Variants in MAP4K5 observed in about 807,000 individuals in gnomAD.
MAP4K5 encodes MAPK/ERK kinase kinase kinase 5.
Under a neutral mutation model 135.6 loss-of-function variants are expected in MAP4K5, and 82 were observed. The observed-to-expected ratio is 0.60, with a 90% confidence interval of 0.51 to 0.73. The LOEUF (loss-of-function observed/expected upper bound fraction) is 0.73, where lower values mean the gene tolerates loss of function less well. Ranked by LOEUF, MAP4K5 falls within the 30% of genes least tolerant of loss-of-function variation. The probability of loss-of-function intolerance (pLI) is 0.00; values close to 1 mark genes in which losing one functional copy is unlikely to be tolerated. For synonymous variants in MAP4K5, 347 were observed against 335.0 expected (o/e 1.04, Z -0.39); for missense variants, 907 against 1,010.9 (o/e 0.90, Z 1.39).
chr14:50,426,761 C>T (rs1338119659), intron 30 of MAP4K5, among the ~76,000 whole-genome samples: 1 of 152,082 alleles, frequency 6.6e-6, no homozygotes, highest in African/African-American at 2.4e-5. Context: ...ATAAAATAAA[C>T]CTGCCCCACA....
intron 14 of MAP4K5, among the ~76,000 whole-genome samples, chr14:50,451,252 A>G (rs1032793526): frequency 2.6e-5 from 4 of 151,840 alleles, no homozygotes; most frequent in Non-Finnish European, 5.9e-5. Flanking sequence ...ACTGAAGTAC[A>G]GTGAAGAAAA....
intron 1 of MAP4K5, among the ~76,000 whole-genome samples, chr14:50,546,184 A>C (rs924536176): frequency 6.6e-6 from 1 of 152,228 alleles, no homozygotes; most frequent in Non-Finnish European, 1.5e-5. Flanking sequence ...ACTGCTATGA[A>C]AACTACTTTA....
Position 50,494,177 on chromosome 14 carries a change from TA to T in MAP4K5, c.167-7984del, listed in dbSNP as rs1237106153. Among the ~76,000 whole-genome samples the T allele has an allele frequency of 5.9e-5, 9 of 151,760 alleles. No individual in the cohort carries two copies. The South Asian group carries it at 1.7e-3, about 28-fold the overall frequency. The stretch of plus-strand genomic sequence containing the variant: ...TATTATTATTATTATTTTATTTATT[TA>T]TTTTTTTTGAGACAGAGTCTCGCCT... On this transcript the variant is annotated intron_variant, in intron 3 of 32. Coordinates refer to ENST00000682126, the MANE Select transcript of MAP4K5 (RefSeq NM_006575.6).
intron 13 of MAP4K5, among the ~76,000 whole-genome samples, chr14:50,460,315 T>C (rs1051057344): frequency 2.6e-5 from 4 of 151,506 alleles, no homozygotes; most frequent in South Asian, 2.1e-4. Context: ...TCATATACCA[T>C]TGTGCCCCCC....
intron 6 of MAP4K5, among the ~76,000 whole-genome samples, chr14:50,481,290 C>CTA (rs753150267): frequency 1.0e-4 from 15 of 149,290 alleles, no homozygotes; most frequent in Admixed American, 4.0e-4. Context: ...TATTACACAT[C>CTA]TCTATATATA....
At chr14:50,495,656 A>T (rs1002212973) in intron 3 of MAP4K5, among the ~76,000 whole-genome samples, 1 of 152,228 alleles carries the variant, frequency 6.6e-6, no homozygotes, top group Non-Finnish European at 1.5e-5. Context: ...AGGTAGAGGC[A>T]ACCCAGTTTG....
At chr14:50,426,662 T>A (rs1335919691) in intron 30 of MAP4K5, among the ~76,000 whole-genome samples, 1 of 152,180 alleles carries the variant, frequency 6.6e-6, no homozygotes, top group African/African-American at 2.4e-5. Context: ...AGGTGGAGGC[T>A]GCAGTGAGCC....
chr14:50,432,355 C>T (rs2035989008), intron 28 of MAP4K5, among the ~76,000 whole-genome samples: 1 of 152,024 alleles, frequency 6.6e-6, no homozygotes, highest in Non-Finnish European at 1.5e-5. Context: ...CTCACCTCTG[C>T]CTGAAGGTGA....
At chr14:50,497,914 A>C (rs2037627824) in intron 3 of MAP4K5, among the ~76,000 whole-genome samples, 1 of 152,212 alleles carries the variant, frequency 6.6e-6, no homozygotes, top group South Asian at 2.1e-4. Flanking sequence ...CCTGTAAGCA[A>C]GGCCGAAAAT....
Position 50,428,703 on chromosome 14 carries a change from A to T in MAP4K5, c.2285T>A (p.Leu762Gln). 1 of 1,522,786 alleles carries T rather than the reference A, an allele frequency of 6.6e-7. No homozygotes were observed. The highest frequency in any genetic ancestry group is 8.8e-7 in the Non-Finnish European group (1 of 1,139,250). The allele number at this position is 1,522,786 out of a possible 1,614,324, so 94.3% of individuals were successfully genotyped here. A position where few individuals can be genotyped will look rare whatever the true frequency, so the allele number is the denominator to read the frequency against. Residue 762 changes from leucine (L) to glutamine (Q), a missense_variant, in exon 30 of 33, where the codon CTG (leucine) becomes CAG (glutamine). Leu to Gln is a moderately radical substitution (Grantham distance 113). Coordinates refer to ENST00000682126, the MANE Select transcript of MAP4K5 (RefSeq NM_006575.6). ...LQGKLKSSKK[L>Q]ASELSFDFRI... is the part of the protein sequence containing the mutation. ...AAAATCAAAACTTAACTCAGAGGCC[A>T]GTTTCTTACTTGATTTTAATTTTCC...
upstream of MAP4K5, among the ~76,000 whole-genome samples, chr14:50,533,868 C>T (rs572703824): frequency 6.6e-6 from 1 of 152,232 alleles, no homozygotes; most frequent in East Asian, 1.9e-4. Flanking sequence ...CAGGACAGGG[C>T]ATATATGTAT....
chr14:50,446,917 T>G (rs1472247858), intron 16 of MAP4K5, among the ~76,000 whole-genome samples: 1 of 152,230 alleles, frequency 6.6e-6, no homozygotes, highest in Non-Finnish European at 1.5e-5. Flanking sequence ...TCTTTTGATT[T>G]CTTTTCAACC....
intron 13 of MAP4K5, among the ~76,000 whole-genome samples, chr14:50,457,465 T>A (rs1001839717): frequency 2.0e-5 from 3 of 152,088 alleles, no homozygotes; most frequent in Non-Finnish European, 4.4e-5. Context: ...TCAACCCCTA[T>A]TTACCAAATT....
intron 31 of MAP4K5, 67 bp from the exon 32 acceptor site, chr14:50,423,243 T>A: frequency 3.0e-6 from 2 of 658,368 alleles, no homozygotes. Flanking sequence ...AATTTAAAAT[T>A]AATTTAGAGC....
chr14:50,477,973 T>C (rs1427030633), intron 6 of MAP4K5, among the ~76,000 whole-genome samples: 1 of 152,190 alleles, frequency 6.6e-6, no homozygotes, highest in African/African-American at 2.4e-5. Flanking sequence ...TGACTCAAAA[T>C]GATTCGGGAG....
intron 24 of MAP4K5, 29 bp downstream of exon 24, chr14:50,438,063 A>C (rs2036138464): frequency 3.0e-6 from 3 of 1,005,884 alleles, no homozygotes; most frequent in African/African-American, 3.2e-5. Flanking sequence ...AGAGAAATAC[A>C]ATTTTCGAGA....
intron 31 of MAP4K5, among the ~76,000 whole-genome samples, chr14:50,423,431 T>C (rs1179856056): frequency 6.6e-6 from 1 of 151,464 alleles, no homozygotes; most frequent in Non-Finnish European, 1.5e-5. Flanking sequence ...TCTCATATCA[T>C]TGAAGAAGAA....
intron 9 of MAP4K5, among the ~76,000 whole-genome samples, chr14:50,469,209 G>C (rs967844957): frequency 6.6e-6 from 1 of 152,176 alleles, no homozygotes; most frequent in Non-Finnish European, 1.5e-5. Flanking sequence ...AAAGCTGACA[G>C]GACAGTGCTC....
chr14:50,476,206 C>T (rs1394490565), intron 7 of MAP4K5, 36 bp from the exon 8 acceptor site: 1 of 1,469,472 alleles, frequency 6.8e-7, no homozygotes, highest in Admixed American at 2.2e-5. Context: ...AAATTAGCAT[C>T]ATAAAATTTC....
Sources: allele counts gnomAD v4.1 joint callset (sites outside exome capture counted in the v4.1 genomes callset), GRCh38; gene constraint gnomAD v4.1.1; transcripts MANE v1.5; gene names NCBI Gene and HGNC (gene_info 2026-07-23, HGNC 2026-07-21).